Variants in DNAJC6 observed in about 807,000 individuals in gnomAD.
DNAJC6 encodes the protein auxilin.
A neutral mutation model predicts 110.0 loss-of-function variants in DNAJC6; 34 were observed. The ratio of observed to expected loss-of-function variants is 0.31; its 90% CI spans 0.24 to 0.41. The LOEUF (loss-of-function observed/expected upper bound fraction) is 0.41, where lower values mean the gene tolerates loss of function less well. Among genes scored for constraint, DNAJC6 ranks in the 10% least tolerant of loss-of-function variants. The probability of loss-of-function intolerance (pLI) is 1.00; values close to 1 mark genes in which losing one functional copy is unlikely to be tolerated. For synonymous variants in DNAJC6, 406 were observed against 437.2 expected, an observed-to-expected ratio of 0.93 and a Z score of 0.89; for missense variants, 1,031 against 1,207.8, an observed-to-expected ratio of 0.85 and a Z score of 2.17.
At chr1:65,307,534 A>G (rs1477544194), upstream of DNAJC6, among the ~76,000 whole-genome samples, 3 of 152,098 alleles carry the variant, frequency 2.0e-5, no homozygotes, top group Non-Finnish European at 2.9e-5. Flanking sequence ...GTATTTATTT[A>G]TTTATTTTTT....
At chr1:65,362,532 C>T (rs776399327) in intron 1 of DNAJC6, among the ~76,000 whole-genome samples, 14 of 152,200 alleles carry the variant, frequency 9.2e-5, no homozygotes, top group African/African-American at 3.1e-4. Flanking sequence ...AGTTTAGCTA[C>T]GTTCTCTTGA....
intron 4 of DNAJC6, among the ~76,000 whole-genome samples, chr1:65,374,293 G>A (rs1313976636): frequency 7.8e-6 from 1 of 127,502 alleles, no homozygotes; most frequent in African/African-American, 4.0e-5. Context: ...TACATTTTAG[G>A]GGTTTTTTTT....
intron 11 of DNAJC6, among the ~76,000 whole-genome samples, chr1:65,390,599 C>A (rs7545397): frequency 0.64 from 97,571 of 152,010 alleles, 31,754 homozygotes; most frequent in East Asian, 0.78. Flanking sequence ...TCAGTGTAGA[C>A]GTGGGTAGTC....
At chr1:65,325,299 A>C (rs1172791289) in intron 1 of DNAJC6, among the ~76,000 whole-genome samples, 1 of 152,208 alleles carries the variant, frequency 6.6e-6, no homozygotes, top group African/African-American at 2.4e-5. Flanking sequence ...AAAGGAAAAG[A>C]AACAAAAGCT....
intron 4 of DNAJC6, among the ~76,000 whole-genome samples, chr1:65,374,921 A>G (rs1249137232): frequency 6.6e-6 from 1 of 151,744 alleles, no homozygotes; most frequent in African/African-American, 2.4e-5. Context: ...TGGATTTGTC[A>G]TAGATGGCCA....
At chr1:65,339,169 G>A (rs1170267034) in intron 1 of DNAJC6, among the ~76,000 whole-genome samples, 1 of 152,092 alleles carries the variant, frequency 6.6e-6, no homozygotes, top group Non-Finnish European at 1.5e-5. Flanking sequence ...TAGGCCAGGT[G>A]TAATGTTGGG....
chr1:65,384,752 T>C (rs1271793333), intron 6 of DNAJC6, among the ~76,000 whole-genome samples: 2 of 152,094 alleles, frequency 1.3e-5, no homozygotes, highest in African/African-American at 4.8e-5. Context: ...TTATGGGAGC[T>C]ACAATTCAAG....
chr1:65,406,163 G>A (rs2101635590), intron 16 of DNAJC6, 30 bp downstream of exon 16: 1 of 1,592,364 alleles, frequency 6.3e-7, no homozygotes, highest in South Asian at 1.1e-5. Flanking sequence ...ACCTAGCTAT[G>A]GGGCAGCCTG....
At chr1:65,392,969 C>A in intron 12 of DNAJC6, 104 bp downstream of exon 12, 1 of 1,092,194 alleles carries the variant, frequency 9.2e-7, no homozygotes, top group Non-Finnish European at 1.2e-6. Context: ...TTTCTGATTT[C>A]ACTGTAAGTC....
At chr1:65,410,408 T>G (rs939484002) in intron 17 of DNAJC6, among the ~76,000 whole-genome samples, 9 of 152,236 alleles carry the variant, frequency 5.9e-5, no homozygotes, top group African/African-American at 2.2e-4. Flanking sequence ...TTCCAAAAAC[T>G]TTGTGCTTCA....
At chr1:65,332,583 G>T (rs1370560570) in intron 1 of DNAJC6, among the ~76,000 whole-genome samples, 1 of 152,208 alleles carries the variant, frequency 6.6e-6, no homozygotes, top group Non-Finnish European at 1.5e-5. Flanking sequence ...CCTCAATAAT[G>T]CTAGGAGTAA....
chr1:65,347,746 C>T (rs990842341), intron 1 of DNAJC6, among the ~76,000 whole-genome samples: 11 of 151,906 alleles, frequency 7.2e-5, no homozygotes, highest in Non-Finnish European at 1.2e-4. Context: ...CACACACACA[C>T]GTGCACACAT....
chr1:65,312,358 T>C (rs1243418424), intron 1 of DNAJC6, among the ~76,000 whole-genome samples: 4 of 152,236 alleles, frequency 2.6e-5, no homozygotes, highest in African/African-American at 4.8e-5. Context: ...TAGGATTCTT[T>C]TACTAGTACA....
chr1:65,370,907 TTGG>T (rs1272974029), intron 4 of DNAJC6, among the ~76,000 whole-genome samples: 3 of 152,092 alleles, frequency 2.0e-5, no homozygotes, highest in Admixed American at 2.0e-4. Flanking sequence ...TGGTGGGAGG[TTGG>T]TGGGAGATTG....
At chr1:65,366,321 T>C in intron 4 of DNAJC6, 125 bp downstream of exon 4, 1 of 1,013,954 alleles carries the variant, frequency 9.9e-7, no homozygotes, top group East Asian at 2.4e-5. Context: ...TCTGGACACT[T>C]CTGTTCACAA....
chr1:65,379,599 C>T, intron 5 of DNAJC6, 75 bp downstream of exon 5: 2 of 1,549,894 alleles, frequency 1.3e-6, no homozygotes, highest in African/African-American at 1.4e-5. Context: ...CAATGGTAGA[C>T]AGGTAACATT....
At position 65,374,793 on chromosome 1, in the gene DNAJC6, C is replaced by G. The variant is rs72917355; in HGVS notation, c.544-4609C>G. On this transcript the variant is annotated intron_variant, in intron 4 of 18. Transcript: ENST00000371069. Reference sequence around the variant, plus strand: ...TTATTTCTTTTTTTGCCTAATTGCTCTGGCCAGGACTTCCAGTATTATGTT... The same window carrying G: ...TTATTTCTTTTTTTGCCTAATTGCTGTGGCCAGGACTTCCAGTATTATGTT... Among the ~76,000 whole-genome samples the G allele has an allele frequency of 5.2e-3, 797 of 152,178 alleles. 8 individuals carry two copies. Among genetic ancestry groups the G allele is most frequent in the African/African-American group, 0.018 (742 of 41,516 alleles).
At chr1:65,332,502 G>C (rs557245227) in intron 1 of DNAJC6, among the ~76,000 whole-genome samples, 19 of 152,280 alleles carry the variant, frequency 1.2e-4, no homozygotes, top group Non-Finnish European at 2.5e-4. Context: ...TATTTATTAC[G>C]GAAGGAGAGA....
At chr1:65,275,992 G>T (rs1234302810) in intron 1 of DNAJC6, among the ~76,000 whole-genome samples, 1 of 150,930 alleles carries the variant, frequency 6.6e-6, no homozygotes, top group African/African-American at 2.4e-5. Context: ...GGGTTCAAGC[G>T]ATCTTCAGCC....
Sources: gnomAD v4.1 joint callset for allele counts (sites outside exome capture counted in the v4.1 genomes callset) on GRCh38, gnomAD v4.1.1 for gene constraint, MANE v1.5 for transcripts, NCBI Gene and HGNC (gene_info 2026-07-23, HGNC 2026-07-21) for gene names.